KDM4C: variants seen among roughly 807,000 people sequenced by gnomAD.
The protein encoded by KDM4C is lysine demethylase 4C.
A neutral mutation model predicts 129.3 loss-of-function variants in KDM4C; 81 were observed. The observed-to-expected ratio is 0.63, with a 90% CI of 0.52 to 0.75. The LOEUF is 0.75. Ranked by LOEUF, KDM4C falls within the 30% of genes least tolerant of loss-of-function variation. KDM4C has a pLI of 0.00. For synonymous variants in KDM4C, 573 were observed against 456.1 expected (o/e 1.26, Z -3.26); for missense variants, 1,457 against 1,304.0 (o/e 1.12, Z -1.81).
At chr9:6,936,381 T>C (rs1033523923) in intron 8 of KDM4C, among the ~76,000 whole-genome samples, 5 of 151,452 alleles carry the variant, frequency 3.3e-5, no homozygotes, top group African/African-American at 7.4e-5. Flanking sequence ...AGTATTACTT[T>C]ACATATATTT....
intron 1 of KDM4C, among the ~76,000 whole-genome samples, chr9:6,749,200 G>C (rs916670718): frequency 6.6e-6 from 1 of 152,102 alleles, no homozygotes. Flanking sequence ...TGTATTTTTA[G>C]TAGAAATGGG....
chr9:6,749,122 T>C (rs1817986106), intron 1 of KDM4C: 2 of 420,390 alleles, frequency 4.8e-6, no homozygotes, highest in South Asian at 4.3e-5. Flanking sequence ...TAGGTTCAAG[T>C]AATTCTCCTG....
chr9:6,967,521 C>T (rs1831209462), intron 8 of KDM4C, among the ~76,000 whole-genome samples: 1 of 151,860 alleles, frequency 6.6e-6, no homozygotes, highest in African/African-American at 2.4e-5. Context: ...TACAGTTGTT[C>T]CTAGTAAGTC....
chr9:6,986,586 G>C lies in KDM4C; in HGVS notation c.1597G>C (p.Glu533Gln). The change falls in exon 11 of 22, where the codon GAG becomes CAG. Residue 533 changes from glutamate (E) to glutamine (Q), a missense_variant. Coordinates refer to ENST00000381309, the MANE Select transcript of KDM4C (RefSeq NM_015061.6). ...AACAGAGGGAGAAGAGAGTGATGTGGAGAGCCATGGGAATGGCCTTGAACC... is the reference window on the plus strand; with the variant it reads ...AACAGAGGGAGAAGAGAGTGATGTGCAGAGCCATGGGAATGGCCTTGAACC... ...VLTEGEESDV[E>Q]SHGNGLEPGE... 1 of 1,614,132 alleles carries C rather than the reference G, an allele frequency of 6.2e-7. No homozygotes were observed. The highest frequency in any genetic ancestry group is 8.5e-7 in the Non-Finnish European group (1 of 1,180,012).
At chr9:7,139,785 G>A (rs1183154935) in intron 19 of KDM4C, among the ~76,000 whole-genome samples, 4 of 152,116 alleles carry the variant, frequency 2.6e-5, no homozygotes, top group Non-Finnish European at 5.9e-5. Flanking sequence ...ATATCATTAT[G>A]TAAGCAGTGG....
intron 4 of KDM4C, among the ~76,000 whole-genome samples, chr9:6,815,437 A>C (rs967694803): frequency 6.6e-6 from 1 of 151,468 alleles, no homozygotes; most frequent in Non-Finnish European, 1.5e-5. Flanking sequence ...CTGGTCTTGA[A>C]CTCCTGAGCT....
chr9:6,943,321 T>C (rs1012188756), intron 8 of KDM4C, among the ~76,000 whole-genome samples: 2 of 152,270 alleles, frequency 1.3e-5, no homozygotes, highest in African/African-American at 2.4e-5. Context: ...TTATTTTCTG[T>C]AAAGATTTGT....
At chr9:7,080,283 G>A (rs1043873882) in intron 17 of KDM4C, among the ~76,000 whole-genome samples, 1 of 152,116 alleles carries the variant, frequency 6.6e-6, no homozygotes, top group Admixed American at 6.5e-5. Context: ...AAATGGAGTT[G>A]ACCTGCAAAG....
At chr9:6,795,362 C>A in intron 2 of KDM4C, among the ~76,000 whole-genome samples, 1 of 152,168 alleles carries the variant, frequency 6.6e-6, no homozygotes, top group East Asian at 1.9e-4. Context: ...ACGGGAGTCT[C>A]GCTCTGTTGC....
chr9:6,843,822 A>G (rs1020166405), intron 4 of KDM4C, among the ~76,000 whole-genome samples: 4 of 152,108 alleles, frequency 2.6e-5, no homozygotes, highest in Admixed American at 6.6e-5. Flanking sequence ...TTTTTTGTCT[A>G]AAAAAATCTT....
chr9:7,064,643 A>G (rs1217910808), intron 17 of KDM4C, among the ~76,000 whole-genome samples: 1 of 152,202 alleles, frequency 6.6e-6, no homozygotes, highest in Admixed American at 6.5e-5. Flanking sequence ...CATAGGGTTT[A>G]GTGGGAGGAA....
chr9:6,754,947 A>AG (rs1408198700), upstream of KDM4C, among the ~76,000 whole-genome samples: 1 of 152,000 alleles, frequency 6.6e-6, no homozygotes, highest in Admixed American at 6.6e-5. Context: ...TAAGAAACTT[A>AG]CAAGTATTGG....
At chr9:7,046,075 C>G (rs1420390411) in intron 15 of KDM4C, among the ~76,000 whole-genome samples, 6 of 152,110 alleles carry the variant, frequency 3.9e-5, no homozygotes, top group African/African-American at 1.4e-4. Flanking sequence ...CAATTTAGGT[C>G]AAGAGAAGGC....
At chr9:6,866,904 CAT>C (rs141311036) in intron 5 of KDM4C, among the ~76,000 whole-genome samples, 29,215 of 130,848 alleles carry the variant, frequency 0.22, 3,233 homozygotes, top group South Asian at 0.4. Flanking sequence ...TATATATATA[CAT>C]ATATATATAT....
rs537431225 is a variant in KDM4C, at chr9:6,971,435, C to G, written c.922-9490C>G. Among the ~76,000 whole-genome samples, 6 of 152,264 alleles carry G rather than the reference C, an allele frequency of 3.9e-5. No homozygotes were observed. The South Asian group carries it at 1.2e-3, about 32-fold the overall frequency. On this transcript the variant is annotated intron_variant, in intron 8 of 21. Transcript: ENST00000381309. ...AGCCTGTTTTAAAATTTGGACTGAT[C>G]AATGAATCTCTGTAGAGTAAAAATA...
intron 8 of KDM4C, among the ~76,000 whole-genome samples, chr9:6,910,604 A>C (rs930553088): frequency 6.6e-6 from 1 of 152,208 alleles, no homozygotes; most frequent in East Asian, 1.9e-4. Flanking sequence ...CAGAAGACAA[A>C]TGGAAATACT....
intron 1 of KDM4C, among the ~76,000 whole-genome samples, chr9:6,744,354 T>A (rs988616698): frequency 6.6e-6 from 1 of 151,988 alleles, no homozygotes; most frequent in Non-Finnish European, 1.5e-5. Flanking sequence ...TGAAACCGCA[T>A]CTCTACTAAA....
At chr9:7,117,888 A>G (rs1197008136) in intron 18 of KDM4C, among the ~76,000 whole-genome samples, 1 of 152,162 alleles carries the variant, frequency 6.6e-6, no homozygotes, top group Non-Finnish European at 1.5e-5. Flanking sequence ...GCCCACTACC[A>G]GCTCCACCTG....
At chr9:6,803,795 T>G (rs935352133) in intron 2 of KDM4C, among the ~76,000 whole-genome samples, 18 of 151,932 alleles carry the variant, frequency 1.2e-4, no homozygotes, top group Admixed American at 1.3e-4. Context: ...GATCATGAAT[T>G]GCTTCATGAC....
Sources: allele counts gnomAD v4.1 joint callset (sites outside exome capture counted in the v4.1 genomes callset), GRCh38; gene constraint gnomAD v4.1.1; transcripts MANE v1.5; gene names NCBI Gene and HGNC (gene_info 2026-07-23, HGNC 2026-07-21).